ARHGEF11: variants seen among roughly 807,000 people sequenced by gnomAD.
The protein encoded by ARHGEF11 is Rho guanine exchange factor (GEF) 11.
Under a neutral mutation model 193.7 loss-of-function variants are expected in ARHGEF11, and 55 were observed. That is an observed-to-expected ratio of 0.28 (90% confidence interval 0.23 to 0.36). ARHGEF11 has a LOEUF of 0.36. Among genes scored for constraint, ARHGEF11 ranks in the 10% least tolerant of loss-of-function variants. ARHGEF11 has a pLI of 1.00. For missense variants in ARHGEF11, 1,723 were observed against 2,005.6 expected (o/e 0.86, Z 2.69); for synonymous variants, 693 against 768.0 (o/e 0.90, Z 1.62).
rs747564188 is a variant in ARHGEF11 at position 156,946,055 on chromosome 1, C to T, written c.2802G>A (p.Lys934=). 5 of 1,613,108 alleles carry T rather than the reference C, an allele frequency of 3.1e-6. No homozygotes were observed. Among genetic ancestry groups the T allele is most frequent in the Non-Finnish European group, 4.2e-6 (5 of 1,179,658 alleles). ...KYPLLLESII[K]HTEGGTSEHE... is the part of the protein sequence containing the mutation. Reference sequence around the variant, plus strand: ...CTCCCCAGGTGCTACCCTCTGTGTGCTTGATGATGCTCTCCAGCAGCAGCG... The same window carrying T: ...CTCCCCAGGTGCTACCCTCTGTGTGTTTGATGATGCTCTCCAGCAGCAGCG... Residue 934 remains lysine (K), a synonymous_variant, in exon 29 of 41, where the codon AAG becomes AAA. Transcript: ENST00000368194.
intron 16 of ARHGEF11, 90 bp from the exon 17 acceptor site, chr1:156,958,954 A>C (rs1314670281): frequency 1.2e-6 from 2 of 1,600,794 alleles, no homozygotes; most frequent in Non-Finnish European, 1.7e-6. Context: ...CACATATAAC[A>C]AGAGATATGT....
chr1:156,967,913 T>G (rs891619256), intron 11 of ARHGEF11, 74 bp downstream of exon 11: 1 of 1,605,246 alleles, frequency 6.2e-7, no homozygotes, highest in Non-Finnish European at 8.5e-7. Context: ...CAAGACGATG[T>G]ACTGGTAACA....
At chr1:157,013,640 T>G (rs1045625029) in intron 1 of ARHGEF11, among the ~76,000 whole-genome samples, 1 of 152,094 alleles carries the variant, frequency 6.6e-6, no homozygotes, top group Non-Finnish European at 1.5e-5. Context: ...TTTCTTCCCT[T>G]AATTTTCATG....
chr1:157,045,194 C>G lies in ARHGEF11; in HGVS notation c.-864G>C, dbSNP rs1012363964. 1 of 152,078 alleles carries G rather than the reference C, an allele frequency of 6.6e-6. No individual in the cohort carries two copies. Among genetic ancestry groups the G allele is most frequent in the Non-Finnish European group, 1.5e-5 (1 of 68,010 alleles). The allele number at this position is 152,078 out of a possible 1,614,324, so 9.4% of individuals were successfully genotyped here. A position where few individuals can be genotyped will look rare whatever the true frequency, so the allele number is the denominator to read the frequency against. On this transcript the variant is annotated 5_prime_UTR_variant, in exon 1 of 41. Transcript: ENST00000368194. ...ATCTCTGAAAATATTCTCTCCTTTTCTTTTTCCTTTAAACTTGCAGGTTCC... is the reference window on the plus strand; with the variant it reads ...ATCTCTGAAAATATTCTCTCCTTTTGTTTTTCCTTTAAACTTGCAGGTTCC...
At position 156,939,704 on chromosome 1, in the gene ARHGEF11, G is replaced by A. The variant is rs567471201; in HGVS notation, c.3940C>T (p.Arg1314Trp). Residue 1314 changes from arginine to tryptophan, a missense_variant, in exon 37 of 41, where the codon CGG becomes TGG. Physicochemically the swap from Arg to Trp is moderately radical, Grantham distance 101 (BLOSUM62 -3). This residue lies in a region of ARHGEF11 where 360 missense variants were observed against 344.4 expected (regional missense o/e 1.05). Transcript: ENST00000368194. ...AGACCCATGTCTTCCTGCTCTGGCC[G>A]TTCCCCCTCCAGCCCTGCAAGCTGG... ...NTQLAGLEGE[R>W]PEQEDMGLCS... The A allele has an allele frequency of 4.0e-5, 65 of 1,614,050 alleles. 1 individual carries two copies. The highest frequency in any genetic ancestry group is 1.3e-4 in the Admixed American group (8 of 60,014).
chr1:157,023,661 G>A (rs1263385491), intron 1 of ARHGEF11, among the ~76,000 whole-genome samples: 1 of 151,666 alleles, frequency 6.6e-6, no homozygotes, highest in Non-Finnish European at 1.5e-5. Flanking sequence ...AGCTACTTGG[G>A]AAGCTGAGGC....
intron 2 of ARHGEF11, among the ~76,000 whole-genome samples, chr1:156,985,111 C>T (rs1476453432): frequency 6.6e-6 from 1 of 152,054 alleles, no homozygotes; most frequent in Non-Finnish European, 1.5e-5. Flanking sequence ...TACTAGACAT[C>T]GTACATGTGT....
At chr1:157,005,006 C>G (rs752642370) in intron 1 of ARHGEF11, among the ~76,000 whole-genome samples, 2 of 152,164 alleles carry the variant, frequency 1.3e-5, no homozygotes, top group Non-Finnish European at 2.9e-5. Context: ...GAAAATCTAC[C>G]CCTCTCACAG....
At chr1:156,945,266 T>G in intron 29 of ARHGEF11, 69 bp from the exon 30 acceptor site, 1 of 1,529,716 alleles carries the variant, frequency 6.5e-7, no homozygotes, top group Non-Finnish European at 8.9e-7. Context: ...CCAGCTGTTA[T>G]CTGCCTATTC....
At chr1:156,971,643 T>G in intron 8 of ARHGEF11, 54 bp downstream of exon 8, 1 of 1,573,092 alleles carries the variant, frequency 6.4e-7, no homozygotes, top group South Asian at 1.2e-5. Context: ...TCCCTCACTC[T>G]ACCCCCAGTT....
chr1:156,944,411 T>C lies in ARHGEF11; in HGVS notation c.3014A>G (p.Lys1005Arg), dbSNP rs773336040. The C allele has an allele frequency of 9.9e-6, 16 of 1,613,776 alleles. No individual in the cohort carries two copies. The highest frequency in any genetic ancestry group is 1.3e-5 in the African/African-American group (1 of 74,810). ...GGTCAGGGGTCCCTCATGGATCATT[T>C]TTCTGGTTGTAAGATCCAGGCTCTG... Reference protein sequence around the residue: ...EFKSLDLTTRKMIHEGPLTWR... With the variant: ...EFKSLDLTTRRMIHEGPLTWR... Residue 1005 changes from lysine to arginine, a missense_variant, in exon 31 of 41, where the codon AAA becomes AGA. Around this residue, in one of 5 missense-constraint regions of ARHGEF11, gnomAD observed 491 missense variants for 654.5 expected, o/e 0.75. Transcript: ENST00000368194.
chr1:157,024,735 A>G (rs1355003150), intron 1 of ARHGEF11, among the ~76,000 whole-genome samples: 1 of 145,388 alleles, frequency 6.9e-6, no homozygotes, highest in Non-Finnish European at 1.5e-5. Context: ...GTGAAAGGCA[A>G]AAAAAAAAAA....
At chr1:156,998,612 A>C (rs1372525128) in intron 1 of ARHGEF11, among the ~76,000 whole-genome samples, 1 of 152,188 alleles carries the variant, frequency 6.6e-6, no homozygotes, top group African/African-American at 2.4e-5. Flanking sequence ...CAGTACTTTA[A>C]AAATGGGTGC....
At chr1:157,021,044 G>A (rs1403105611) in intron 1 of ARHGEF11, among the ~76,000 whole-genome samples, 5 of 152,180 alleles carry the variant, frequency 3.3e-5, no homozygotes, top group Non-Finnish European at 5.9e-5. Context: ...CAGAAAAGGT[G>A]GAGAAAGCAA....
chr1:157,005,918 C>G (rs116603328), intron 1 of ARHGEF11, among the ~76,000 whole-genome samples: 1,668 of 152,326 alleles, frequency 0.011, 31 homozygotes, highest in African/African-American at 0.038. Flanking sequence ...AAGCTGCAAA[C>G]TCCTTGAAAG....
At chr1:156,979,794 A>G (rs183078893) in intron 4 of ARHGEF11, among the ~76,000 whole-genome samples, 1 of 152,344 alleles carries the variant, frequency 6.6e-6, no homozygotes, top group East Asian at 1.9e-4. Flanking sequence ...CAGCTAGCCT[A>G]TGAGTTTTCA....
At position 156,948,488 on chromosome 1, in the gene ARHGEF11, C is replaced by T. The variant is rs1269730549; in HGVS notation, c.1936G>A (p.Glu646Lys). Residue 646 changes from glutamate to lysine, a missense_variant, in exon 23 of 41, where the codon GAG (glutamate) becomes AAG (lysine). Physicochemically the swap from Glu to Lys is moderately conservative, Grantham distance 56 (BLOSUM62 1). Around this residue, in one of 5 missense-constraint regions of ARHGEF11, gnomAD observed 491 missense variants for 654.5 expected, o/e 0.75. Coordinates refer to ENST00000368194, the MANE Select transcript of ARHGEF11 (RefSeq NM_198236.3). This position sits in a 1 kb window ranked among gnomAD's most constrained non-coding sequence, Gnocchi z 4.2. ...DLLESDSSRS[E>K]IRLGRSESLK... is the part of the protein sequence containing the mutation. ...CTTTCAGAGCGGCCCAGGCGAATCT[C>T]TGAGCGTGAACTGGGGGGAAGGGAC... The T allele has an allele frequency of 1.9e-6, 3 of 1,614,086 alleles. No homozygotes were observed. The highest frequency in any genetic ancestry group is 2.5e-6 in the Non-Finnish European group (3 of 1,180,036).
At chr1:156,995,206 C>CTT (rs1181374916) in intron 1 of ARHGEF11, among the ~76,000 whole-genome samples, 1 of 152,196 alleles carries the variant, frequency 6.6e-6, no homozygotes, top group Non-Finnish European at 1.5e-5. Context: ...ACAGAGTGAT[C>CTT]TTTTAAAGAG....
intron 1 of ARHGEF11, among the ~76,000 whole-genome samples, chr1:157,004,221 C>G (rs1038118595): frequency 2.6e-5 from 4 of 152,206 alleles, no homozygotes; most frequent in Non-Finnish European, 4.4e-5. Context: ...CATTTCAGAG[C>G]ATACAACCTC....
Sources: allele counts gnomAD v4.1 joint callset (sites outside exome capture counted in the v4.1 genomes callset), GRCh38; gene constraint gnomAD v4.1.1; regional missense constraint gnomAD v4.1.1; non-coding constraint Gnocchi (gnomAD v3.1); transcripts MANE v1.5; gene names NCBI Gene and HGNC (gene_info 2026-07-23, HGNC 2026-07-21).